Variants in TRIM2 observed in about 807,000 individuals in gnomAD.
TRIM2 encodes the protein tripartite motif containing 2, also known as tripartite motif-containing protein 2.
In TRIM2, 20 loss-of-function variants were observed where a neutral mutation model predicts 75.2. The ratio of observed to expected loss-of-function variants is 0.27; its 90% CI spans 0.19 to 0.39. TRIM2 has a LOEUF of 0.39. Ranked by LOEUF, TRIM2 falls within the 10% of genes least tolerant of loss-of-function variation. The pLI is 1.00. For synonymous variants in TRIM2, 373 were observed against 388.3 expected, an observed-to-expected ratio of 0.96 and a Z score of 0.46; for missense variants, 660 against 990.8, an observed-to-expected ratio of 0.67 and a Z score of 4.48.
chr4:153,231,610 G>A (rs1193256860), intron 1 of TRIM2, among the ~76,000 whole-genome samples: 1 of 152,144 alleles, frequency 6.6e-6, no homozygotes, highest in Non-Finnish European at 1.5e-5. Context: ...AATCAAAGAG[G>A]ATCTTCAGTG....
rs539494289 is a variant in TRIM2 at position 153,272,751 on chromosome 4, G to T, written c.215+2232G>T. 3.3e-5 allele frequency among the ~76,000 whole-genome samples: 5 copies of T among 151,928 alleles called. No homozygotes were observed. The East Asian group carries it at 7.7e-4, about 24-fold the overall frequency. On this transcript the variant is annotated intron_variant, in intron 2 of 11. Coordinates refer to ENST00000338700, the MANE Select transcript of TRIM2 (RefSeq NM_015271.5). The stretch of plus-strand genomic sequence containing the variant: ...CTCCCAAAGTGTTGGGCTTACAGGC[G>T]TGAGCCACTGCGTCCAGCCGAGAAG...
rs1321590172 is a variant in TRIM2 at position 153,295,526 on chromosome 4, G to C, written c.1000G>C (p.Gly334Arg). 6.2e-7 allele frequency: 1 copy of C among 1,613,412 alleles called. No individual in the cohort carries two copies. Among genetic ancestry groups the C allele is most frequent in the Non-Finnish European group, 8.5e-7 (1 of 1,179,602 alleles). ...GCTGGATTTCATCGTGGAAACCGAG[G>C]GGCTGAAGAAGTCCATCCACAACCT... ...DQLDFIVETE[G>R]LKKSIHNLGT... Residue 334 changes from glycine to arginine, a missense_variant, in exon 6 of 12, where the codon GGG (glycine) becomes CGG (arginine). This residue lies in a region of TRIM2 where 620 missense variants were observed against 891.0 expected (regional missense o/e 0.70). Coordinates refer to ENST00000338700, the MANE Select transcript of TRIM2 (RefSeq NM_015271.5). The surrounding 1 kb of genome is among the most constrained non-coding windows in gnomAD (Gnocchi z 7.2).
intron 1 of TRIM2, among the ~76,000 whole-genome samples, chr4:153,228,404 A>C (rs879479423): frequency 2.0e-5 from 3 of 152,252 alleles, no homozygotes; most frequent in Non-Finnish European, 4.4e-5. Context: ...AACTCCAGGG[A>C]GAAAAACTAA....
intron 1 of TRIM2, among the ~76,000 whole-genome samples, chr4:153,184,852 C>A (rs1230951352): frequency 2.6e-5 from 4 of 152,180 alleles, no homozygotes; most frequent in African/African-American, 9.7e-5. Flanking sequence ...ACCTTCATGC[C>A]TGGTGACACA....
chr4:153,220,768 T>C (rs1226076436), intron 1 of TRIM2, among the ~76,000 whole-genome samples: 2 of 152,182 alleles, frequency 1.3e-5, no homozygotes, highest in Admixed American at 1.3e-4. Flanking sequence ...GATACCCAAA[T>C]GGTCAACAAG....
intron 1 of TRIM2, among the ~76,000 whole-genome samples, chr4:153,165,934 G>A (rs1237149258): frequency 1.3e-5 from 2 of 152,084 alleles, no homozygotes; most frequent in African/African-American, 4.8e-5. Context: ...ATGGGAAGAT[G>A]TCTTCTATTT....
At chr4:153,254,014 A>G (rs762111539) in intron 1 of TRIM2, among the ~76,000 whole-genome samples, 8 of 152,188 alleles carry the variant, frequency 5.3e-5, no homozygotes, top group Non-Finnish European at 1.2e-4. Flanking sequence ...AGGAGATCCA[A>G]GAACCCTCTC....
chr4:153,152,366 C>G (rs1397283960), upstream of TRIM2: 1 of 149,604 alleles, frequency 6.7e-6, no homozygotes, highest in Non-Finnish European at 1.5e-5. Context: ...GCCGGGCTGC[C>G]GTGCGCTCGG....
At chr4:153,209,688 A>G (rs1363305407) in intron 1 of TRIM2, among the ~76,000 whole-genome samples, 2 of 152,230 alleles carry the variant, frequency 1.3e-5, no homozygotes, top group Non-Finnish European at 2.9e-5. Context: ...ACAAAGGGTC[A>G]GTGTCTGACT....
chr4:153,223,059 G>T (rs1403386562), intron 1 of TRIM2: 1 of 151,986 alleles, frequency 6.6e-6, no homozygotes, highest in Non-Finnish European at 1.5e-5. Flanking sequence ...GGCTCGGGCT[G>T]TGCCCTGGGA....
rs1772530685 is a variant in TRIM2, at chr4:153,337,017, T to C, written c.*2051T>C. ...AGGTACCAAGTACTCTTTTAGGCAC[T>C]GGAAATACAGTGATGGACAAAACAG... On this transcript the variant is annotated 3_prime_UTR_variant, in exon 12 of 12. Coordinates refer to ENST00000338700, the MANE Select transcript of TRIM2 (RefSeq NM_015271.5). 3.1e-6 allele frequency: 3 copies of C among 981,952 alleles called. No homozygotes were observed. Among genetic ancestry groups the C allele is most frequent in the Non-Finnish European group, 3.6e-6 (3 of 826,798 alleles). 60.8% of individuals were successfully genotyped at this position (981,952 alleles called of 1,614,324 possible).
At chr4:153,312,729 A>G (rs981259848) in intron 6 of TRIM2, among the ~76,000 whole-genome samples, 1 of 152,162 alleles carries the variant, frequency 6.6e-6, no homozygotes, top group African/African-American at 2.4e-5. Context: ...AGGACTATAA[A>G]TCGTGCTGCT....
chr4:153,166,998 T>G (rs4696434), intron 1 of TRIM2, among the ~76,000 whole-genome samples: 65,971 of 152,082 alleles, frequency 0.43, 15,703 homozygotes, highest in Non-Finnish European at 0.55. Flanking sequence ...CACAGGGCTG[T>G]CAGGGTGTGT....
chr4:153,285,020 C>G (rs1294669092), intron 3 of TRIM2, among the ~76,000 whole-genome samples: 1 of 152,042 alleles, frequency 6.6e-6, no homozygotes, highest in Admixed American at 6.5e-5. Context: ...ATTGCTGATT[C>G]AAGGTCATGA....
chr4:153,233,906 T>C (rs1053346707), intron 1 of TRIM2, among the ~76,000 whole-genome samples: 1 of 152,198 alleles, frequency 6.6e-6, no homozygotes, highest in Non-Finnish European at 1.5e-5. Flanking sequence ...AATCACTGTT[T>C]GCAGGAATTA....
At chr4:153,217,030 C>A (rs1738670260) in intron 1 of TRIM2, among the ~76,000 whole-genome samples, 1 of 152,228 alleles carries the variant, frequency 6.6e-6, no homozygotes, top group African/African-American at 2.4e-5. Flanking sequence ...TTCTCCCCAA[C>A]ATCTTACCAT....
intron 8 of TRIM2, among the ~76,000 whole-genome samples, chr4:153,320,294 T>C (rs932560483): frequency 1.4e-4 from 21 of 152,226 alleles, no homozygotes; most frequent in African/African-American, 4.6e-4. Flanking sequence ...GAAATCTGAA[T>C]CTTCATCATT....
At chr4:153,278,990 C>A (rs1758639963) in intron 3 of TRIM2, among the ~76,000 whole-genome samples, 1 of 152,092 alleles carries the variant, frequency 6.6e-6, no homozygotes, top group Admixed American at 6.5e-5. Context: ...CTGTGAATAT[C>A]ATTAAGAACA....
intron 1 of TRIM2, among the ~76,000 whole-genome samples, chr4:153,229,865 T>G (rs1405396678): frequency 6.6e-6 from 1 of 152,188 alleles, no homozygotes; most frequent in Non-Finnish European, 1.5e-5. Flanking sequence ...CGTTAGATTT[T>G]TTTTCTAAGC....
Sources: gnomAD v4.1 joint callset for allele counts (sites outside exome capture counted in the v4.1 genomes callset) on GRCh38, gnomAD v4.1.1 for gene constraint, gnomAD v4.1.1 regional missense constraint, Gnocchi (gnomAD v3.1) non-coding constraint, MANE v1.5 for transcripts, NCBI Gene and HGNC (gene_info 2026-07-23, HGNC 2026-07-21) for gene names.